The following DUOX2 variants were observed in gnomAD, a reference collection of about 807,000 sequenced individuals.
DUOX2 encodes the protein NADH/NADPH thyroid oxidase p138-tox.
Under a neutral mutation model 183.3 loss-of-function variants are expected in DUOX2, and 185 were observed. That is an observed-to-expected ratio of 1.01 (90% CI 0.90 to 1.14). The LOEUF is 1.14. Among genes scored for constraint, DUOX2 ranks in the 50% most tolerant of loss-of-function variants. The pLI is 0.00. For synonymous variants in DUOX2, 788 were observed against 812.4 expected (o/e 0.97, Z 0.51); for missense variants, 1,999 against 2,022.9 (o/e 0.99, Z 0.23).
chr15:45,094,746 G>C (rs546148981), intron 32 of DUOX2, 55 bp from the exon 33 acceptor site: 1 of 1,609,140 alleles, frequency 6.2e-7, no homozygotes, highest in African/African-American at 1.3e-5. Context: ...CACTCAGCCC[G>C]AGCCAGCCCA....
intron 4 of DUOX2, 37 bp from the exon 5 acceptor site, chr15:45,111,992 C>T (rs756633201): frequency 1.2e-6 from 2 of 1,607,344 alleles, no homozygotes; most frequent in East Asian, 4.5e-5. Flanking sequence ...ACAAACCGTC[C>T]GTATTGCGCC....
intron 18 of DUOX2, among the ~76,000 whole-genome samples, chr15:45,105,159 T>C (rs1000975279): frequency 1.3e-5 from 2 of 152,210 alleles, no homozygotes; most frequent in Non-Finnish European, 2.9e-5. Flanking sequence ...ACCTGGCACT[T>C]GGGCCAATAA....
Position 45,093,771 on chromosome 15 carries a change from C to G in DUOX2, c.*379G>C. 1 of 290,370 alleles carries G rather than the reference C, an allele frequency of 3.4e-6. No individual in the cohort carries two copies. Among genetic ancestry groups the G allele is most frequent in the South Asian group, 3.8e-5 (1 of 26,476 alleles). 18.0% of individuals were successfully genotyped at this position (290,370 alleles called of 1,614,324 possible). ...CCTCCACACTTGTCACAAGCAGGGA[C>G]TGTCTCCTCCCCACTTTGCTTGCCA... On this transcript the variant is annotated 3_prime_UTR_variant, in exon 34 of 34. Coordinates refer to ENST00000389039, the MANE Select transcript of DUOX2 (RefSeq NM_001363711.2).
Position 45,111,948 on chromosome 15 carries a change from A to T in DUOX2, c.333T>A (p.His111Gln). The T allele has an allele frequency of 1.2e-6, 2 of 1,613,470 alleles. No homozygotes were observed. Among genetic ancestry groups the T allele is most frequent in the African/African-American group, 1.3e-5 (1 of 75,016 alleles). ...RTVLGVFFGY[H>Q]VLSDVVSVET... The stretch of plus-strand genomic sequence containing the variant: ...CCACGCTCACCACGTCGGAAAGAAC[A>T]TGGTAGCCTGCGGGCATGGGGCGCC... The change falls in exon 5 of 34, where the codon CAT becomes CAA. Residue 111 changes from histidine (H) to glutamine (Q), a missense_variant. His to Gln is a conservative substitution (Grantham distance 24, BLOSUM62 0). Around this residue, in one of 3 missense-constraint regions of DUOX2, gnomAD observed 356 missense variants for 356.4 expected, o/e 1.00. Coordinates refer to ENST00000389039, the MANE Select transcript of DUOX2 (RefSeq NM_001363711.2).
Position 45,100,106 on chromosome 15 carries a change from AC to A in DUOX2, c.3127del (p.Val1043CysfsTer64). The A allele has an allele frequency of 1.2e-6, 2 of 1,614,192 alleles. No homozygotes were observed. The highest frequency in any genetic ancestry group is 1.7e-6 in the Non-Finnish European group (2 of 1,180,024). The part of the protein sequence containing the change: ...RFVENYRRHI[V>X]CVAIFSAICV... ...GATGGCCGAGAAGATTGCCACACAC[AC>A]GATGTGCCTCCGGTAGTTCTCCACG... On this transcript the variant is annotated frameshift_variant, in exon 24 of 34. Coordinates refer to ENST00000389039, the MANE Select transcript of DUOX2 (RefSeq NM_001363711.2). LOFTEE classifies it high-confidence loss of function.
In DUOX2 at chr15:45,101,795, T is replaced by C. The variant is rs2141146434; in HGVS notation, c.2849A>G (p.Asn950Ser). 6.2e-7 allele frequency: 1 copy of C among 1,614,138 alleles called. No homozygotes were observed. Among genetic ancestry groups the C allele is most frequent in the Non-Finnish European group, 8.5e-7 (1 of 1,180,004 alleles). Residue 950 changes from asparagine to serine, a missense_variant and splice_region_variant, in exon 21 of 34, where the codon AAT (asparagine) becomes AGT (serine). Coordinates refer to ENST00000389039, the MANE Select transcript of DUOX2 (RefSeq NM_001363711.2). ...CCAACCATTCCTCACACACTCACCA[T>C]TTCCACCTCCACCTCCACCTTTGAC... ...LCVKGGGGGG[N>S]GIRDIFKQNI...
chr15:45,101,069 T>C, intron 22 of DUOX2, 136 bp downstream of exon 22: 2 of 817,278 alleles, frequency 2.4e-6, no homozygotes, highest in South Asian at 1.4e-5. Flanking sequence ...GCAGCTGGAA[T>C]GTTTGTGCTA....
chr15:45,097,834 C>T lies in DUOX2; in HGVS notation c.3566-93G>A. 3 of 1,601,884 alleles carry T rather than the reference C, an allele frequency of 1.9e-6. No individual in the cohort carries two copies. The South Asian group carries it at 3.3e-5, about 18-fold the overall frequency. On this transcript the variant is annotated intron_variant, in intron 27 of 33. Coordinates refer to ENST00000389039, the MANE Select transcript of DUOX2 (RefSeq NM_001363711.2). ...ACATTCCCCTATCCTTCCCTCCTTC[C>T]TCTCTCATCCCTCCGGGGCCCCCAG...
chr15:45,099,625 G>C, intron 25 of DUOX2, 37 bp downstream of exon 25: 1 of 1,609,964 alleles, frequency 6.2e-7, no homozygotes, highest in South Asian at 1.1e-5. Flanking sequence ...GACCCAGGGT[G>C]CTGCAGCAAA....
chr15:45,103,090 C>G (rs1297450053), intron 20 of DUOX2, among the ~76,000 whole-genome samples: 1 of 152,264 alleles, frequency 6.6e-6, no homozygotes, highest in Non-Finnish European at 1.5e-5. Flanking sequence ...CCTGCAGTGA[C>G]ATACCCAGTG....
At position 45,108,801 on chromosome 15, in the gene DUOX2, A is replaced by G. The variant is rs771776482; in HGVS notation, c.1386T>C (p.Asn462=). The change falls in exon 12 of 34, where the codon AAT becomes AAC. Residue 462 remains asparagine (N), a synonymous_variant. Coordinates refer to ENST00000389039, the MANE Select transcript of DUOX2 (RefSeq NM_001363711.2). ...TACTATTCCTGACCTGGGGGTCCAC[A>G]TTAGGGTTGAGATCACTCCAGTTCC... is the stretch of plus-strand genomic sequence containing the variant. ...IPRNWSDLNP[N]VDPQVLEATA... 6.2e-7 allele frequency: 1 copy of G among 1,614,248 alleles called. No homozygotes were observed. The highest frequency in any genetic ancestry group is 8.5e-7 in the Non-Finnish European group (1 of 1,180,038).
chr15:45,097,859 G>T, intron 27 of DUOX2, 118 bp from the exon 28 acceptor site: 6 of 1,579,974 alleles, frequency 3.8e-6, no homozygotes, highest in Non-Finnish European at 5.2e-6. Flanking sequence ...GGGGCCCCCA[G>T]AAAAGCCTGC....
chr15:45,095,412 T>A (rs948701756), intron 31 of DUOX2, 25 bp downstream of exon 31: 8 of 1,613,990 alleles, frequency 5.0e-6, no homozygotes, highest in Non-Finnish European at 6.8e-6. Context: ...ATGCCCCATT[T>A]GATGAATGAG....
intron 29 of DUOX2, 128 bp downstream of exon 29, chr15:45,097,110 T>G: frequency 7.0e-7 from 1 of 1,432,386 alleles, no homozygotes; most frequent in Non-Finnish European, 9.7e-7. Context: ...GAGTGGTTTT[T>G]TGTTGTTGTT....
In DUOX2 at chr15:45,106,632, A is replaced by G. The variant is rs1357172953; in HGVS notation, c.1841T>C (p.Leu614Pro). ...ALCCLPLVSL[L>P]LSGVVAYFRG... ...GAAATAGGCCACCACTCCAGAGAGA[A>G]GCAGACTCACTGAAGTGGATCAGAA... The change falls in exon 16 of 34, where the codon CTT becomes CCT. Residue 614 changes from leucine to proline, a missense_variant. Coordinates refer to ENST00000389039, the MANE Select transcript of DUOX2 (RefSeq NM_001363711.2). 1 of 1,614,180 alleles carries G rather than the reference A, an allele frequency of 6.2e-7. No homozygotes were observed. Among genetic ancestry groups the G allele is most frequent in the South Asian group, 1.1e-5 (1 of 91,076 alleles).
At position 45,105,801 on chromosome 15, in the gene DUOX2, G is replaced by T; in HGVS notation, c.2176C>A (p.Arg726=). ...CATAGCTGCTGCACAAAGGCGCCCC[G>T]TTCCTCTTCAGAACTAAACAGCAGC... The part of the protein sequence containing the change: ...LVLLFSSEEE[R]GAFVQQLWDF... The change falls in exon 18 of 34, where the codon CGG becomes AGG. Residue 726 remains arginine, a synonymous_variant. Coordinates refer to ENST00000389039, the MANE Select transcript of DUOX2 (RefSeq NM_001363711.2). 1.2e-6 allele frequency: 2 copies of T among 1,614,166 alleles called. No homozygotes were observed. The highest frequency in any genetic ancestry group is 1.7e-6 in the Non-Finnish European group (2 of 1,180,024).
At position 45,106,331 on chromosome 15, in the gene DUOX2, G is replaced by T. The variant is rs779372843; in HGVS notation, c.1946-4C>A. 1.5e-5 allele frequency: 24 copies of T among 1,613,840 alleles called. No individual in the cohort carries two copies. The East Asian group carries it at 1.6e-4, about 10-fold the overall frequency. ...TTGGGGCCTGGCCACTCCATCGCTG[G>T]GGAAGGGATAATTGGGCCGGGTAGT... On this transcript the variant is annotated splice_polypyrimidine_tract_variant and splice_region_variant and intron_variant, in intron 16 of 33. Coordinates refer to ENST00000389039, the MANE Select transcript of DUOX2 (RefSeq NM_001363711.2).
chr15:45,100,041 A>C lies in DUOX2; in HGVS notation c.3184+9T>G. On this transcript the variant is annotated intron_variant, in intron 24 of 33. Transcript: ENST00000389039. Reference sequence around the variant, plus strand: ...TCCCTACCCACTGCCCACAGCCTGGAACTCTTACAGTAAGCACGATCTGCA... The same window carrying C: ...TCCCTACCCACTGCCCACAGCCTGGCACTCTTACAGTAAGCACGATCTGCA... 1 of 1,614,218 alleles carries C rather than the reference A, an allele frequency of 6.2e-7. No homozygotes were observed. The highest frequency in any genetic ancestry group is 8.5e-7 in the Non-Finnish European group (1 of 1,180,024).
chr15:45,103,307 A>G (rs930093786), intron 20 of DUOX2, among the ~76,000 whole-genome samples: 1 of 152,226 alleles, frequency 6.6e-6, no homozygotes, highest in Admixed American at 6.5e-5. Context: ...TCAGTTAGTT[A>G]TGTATGAAAT....
Sources: gnomAD v4.1 joint callset for allele counts (sites outside exome capture counted in the v4.1 genomes callset) on GRCh38, gnomAD v4.1.1 for gene constraint, gnomAD v4.1.1 regional missense constraint, MANE v1.5 for transcripts, NCBI Gene and HGNC (gene_info 2026-07-23, HGNC 2026-07-21) for gene names.